The following MEGF11 variants were observed in gnomAD, a reference collection of about 807,000 sequenced individuals.
MEGF11 encodes the protein multiple epidermal growth factor-like domains protein 11.
Under a neutral mutation model 146.6 loss-of-function variants are expected in MEGF11, and 126 were observed. That is an observed-to-expected ratio of 0.86 (90% CI 0.74 to 1.00). MEGF11 has a LOEUF of 1.00. Ranked by LOEUF, MEGF11 falls within the 50% of genes least tolerant of loss-of-function variation. The pLI, the probability that MEGF11 is intolerant of heterozygous loss-of-function variation, is 0.00. For synonymous variants in MEGF11, 532 were observed against 583.4 expected, an observed-to-expected ratio of 0.91 and a Z score of 1.27; for missense variants, 1,509 against 1,521.2, an observed-to-expected ratio of 0.99 and a Z score of 0.13.
At chr15:65,928,837 C>T (rs1433344578) in intron 12 of MEGF11, among the ~76,000 whole-genome samples, 11 of 152,024 alleles carry the variant, frequency 7.2e-5, no homozygotes, top group Admixed American at 2.0e-4. Flanking sequence ...TGGTCAAGCT[C>T]AAAGGCCTGT....
At chr15:66,018,080 G>A (rs895172572) in intron 5 of MEGF11, among the ~76,000 whole-genome samples, 1 of 152,224 alleles carries the variant, frequency 6.6e-6, no homozygotes, top group Non-Finnish European at 1.5e-5. Flanking sequence ...CAACATGTGT[G>A]TGATGGGGCA....
At chr15:66,142,663 G>A (rs544053975) in intron 1 of MEGF11, among the ~76,000 whole-genome samples, 22 of 152,298 alleles carry the variant, frequency 1.4e-4, no homozygotes, top group African/African-American at 5.3e-4. Flanking sequence ...CCTGAGCTGA[G>A]CCCCCAGCCA....
chr15:66,191,044 T>A (rs1029618545), intron 1 of MEGF11, among the ~76,000 whole-genome samples: 1 of 152,158 alleles, frequency 6.6e-6, no homozygotes, highest in Non-Finnish European at 1.5e-5. Flanking sequence ...ACAGCCCGGC[T>A]GGACTTCCAG....
intron 1 of MEGF11, among the ~76,000 whole-genome samples, chr15:66,158,795 C>G (rs959881882): frequency 6.6e-6 from 1 of 152,222 alleles, no homozygotes; most frequent in Admixed American, 6.5e-5. Flanking sequence ...AAGCCTCCCC[C>G]TTCCAAGGCC....
chr15:65,955,814 A>AC (rs1290763810), intron 10 of MEGF11, among the ~76,000 whole-genome samples: 2 of 94,996 alleles, frequency 2.1e-5, no homozygotes, highest in African/African-American at 4.1e-5. Context: ...ACACACACAC[A>AC]ATACTTTAAA....
Position 66,068,265 on chromosome 15 carries a change from G to A in MEGF11, c.394+26137C>T, listed in dbSNP as rs74491164. Reference sequence around the variant, plus strand: ...ATGTTTTATGAGCAAATGAAGAATGGGAATTTGGAGCTGGATATAGATACA... The same window carrying A: ...ATGTTTTATGAGCAAATGAAGAATGAGAATTTGGAGCTGGATATAGATACA... On this transcript the variant is annotated intron_variant, in intron 5 of 25. Transcript: ENST00000395614. Among the ~76,000 whole-genome samples the A allele has an allele frequency of 8.8e-3, 1,333 of 152,224 alleles. 20 individuals carry two copies. The highest frequency in any genetic ancestry group is 0.031 in the African/African-American group (1,276 of 41,510).
intron 5 of MEGF11, among the ~76,000 whole-genome samples, chr15:66,044,468 G>A (rs527464472): frequency 3.3e-5 from 5 of 152,236 alleles, no homozygotes; most frequent in African/African-American, 1.2e-4. Context: ...GCCACACACA[G>A]GGCCAGCACC....
intron 1 of MEGF11, among the ~76,000 whole-genome samples, chr15:66,181,550 C>G (rs1391558892): frequency 1.0e-5 from 1 of 99,226 alleles, no homozygotes; most frequent in African/African-American, 4.6e-5. Flanking sequence ...ATCCCAATTT[C>G]CTGAATACCA....
In MEGF11 at chr15:66,147,256, C is replaced by A. The variant is rs568795839; in HGVS notation, c.-8-18845G>T. On this transcript the variant is annotated intron_variant, in intron 1 of 25. Transcript: ENST00000395614. ...TCCTAAATTCTGACTCATGACCCCT[C>A]CCCAAATGGCACCTTACATGGTTGC... Among the ~76,000 whole-genome samples the A allele has an allele frequency of 1.6e-4, 25 of 152,310 alleles. 1 individual carries two copies. The highest frequency in any genetic ancestry group is 1.3e-4 in the Non-Finnish European group (9 of 68,018).
intron 1 of MEGF11, among the ~76,000 whole-genome samples, chr15:66,157,928 A>T (rs1391686191): frequency 6.6e-6 from 1 of 152,152 alleles, no homozygotes; most frequent in Non-Finnish European, 1.5e-5. Context: ...ATACGTGCCA[A>T]CCTCTGAGGT....
chr15:65,945,548 A>G (rs544695811), intron 10 of MEGF11, among the ~76,000 whole-genome samples: 142 of 152,292 alleles, frequency 9.3e-4, no homozygotes, highest in Admixed American at 2.5e-3. Flanking sequence ...ACGCCAGTTT[A>G]TTTATTGGTA....
chr15:65,932,091 G>T (rs533986991), intron 10 of MEGF11, among the ~76,000 whole-genome samples: 8 of 152,334 alleles, frequency 5.3e-5, no homozygotes, highest in African/African-American at 1.9e-4. Flanking sequence ...CCCGATAAGG[G>T]ATAAGGGAGG....
chr15:66,027,925 A>G (rs947706623), intron 5 of MEGF11, among the ~76,000 whole-genome samples: 3 of 152,160 alleles, frequency 2.0e-5, no homozygotes, highest in Non-Finnish European at 2.9e-5. Context: ...CAAAATGGGG[A>G]CAGTGAAGAC....
intron 5 of MEGF11, among the ~76,000 whole-genome samples, chr15:66,057,459 C>T (rs111319899): frequency 1.3e-5 from 2 of 152,180 alleles, no homozygotes; most frequent in African/African-American, 4.8e-5. Context: ...AGCAGCATCC[C>T]GTAGGATACC....
At position 65,984,060 on chromosome 15, in the gene MEGF11, A is replaced by G. The variant is rs1417321383; in HGVS notation, c.395-1572T>C. 2.0e-5 allele frequency among the ~76,000 whole-genome samples: 3 copies of G among 152,276 alleles called. No individual in the cohort carries two copies. In the East Asian group the frequency reaches 5.8e-4, roughly 29 times the overall value. On this transcript the variant is annotated intron_variant, in intron 5 of 25. Transcript: ENST00000395614. ...AGAATCACCAAGGCCTGGAACTCCC[A>G]TTACCCTATCTTGGTTCATCCCTTC...
In MEGF11 at chr15:65,922,837, G is replaced by A; in HGVS notation, c.1808C>T (p.Pro603Leu). ...SCECAPGFRGPLCQRICPPGF... is the reference protein window; with the variant it reads ...SCECAPGFRGLLCQRICPPGF... ...ATTAGCCTTACTTCTCTGGCATAAG[G>A]GTCCTCGGAAGCCAGGGGCACACTC... The change falls in exon 14 of 26, where the codon CCC becomes CTC. Residue 603 changes from proline (P) to leucine (L), a missense_variant. Transcript: ENST00000395614. 2 of 1,613,850 alleles carry A rather than the reference G, an allele frequency of 1.2e-6. No individual in the cohort carries two copies. The highest frequency in any genetic ancestry group is 1.7e-6 in the Non-Finnish European group (2 of 1,179,852).
At chr15:66,156,404 C>T (rs1210131867) in intron 1 of MEGF11, among the ~76,000 whole-genome samples, 3 of 152,052 alleles carry the variant, frequency 2.0e-5, no homozygotes, top group African/African-American at 2.4e-5. Context: ...ATTCAAGCCA[C>T]CAGCACCTGG....
At chr15:65,973,212 G>T (rs2081352120) in intron 7 of MEGF11, among the ~76,000 whole-genome samples, 1 of 138,438 alleles carries the variant, frequency 7.2e-6, no homozygotes, top group Non-Finnish European at 1.7e-5. Context: ...AGGAATCCCA[G>T]GATAGCAGTG....
At chr15:66,115,037 G>C (rs958405956) in intron 4 of MEGF11, among the ~76,000 whole-genome samples, 2 of 152,330 alleles carry the variant, frequency 1.3e-5, no homozygotes, top group Non-Finnish European at 2.9e-5. Context: ...GCAAGTTGGT[G>C]GCTGAGTCAG....
Sources: allele counts gnomAD v4.1 joint callset (sites outside exome capture counted in the v4.1 genomes callset), GRCh38; gene constraint gnomAD v4.1.1; transcripts MANE v1.5; gene names NCBI Gene and HGNC (gene_info 2026-07-23, HGNC 2026-07-21).